The following FHIT variants were observed in gnomAD, a reference collection of about 807,000 sequenced individuals.
FHIT encodes the protein bis(5'-adenosyl)-triphosphatase.
In FHIT, 19 loss-of-function variants were observed where a neutral mutation model predicts 17.9. The observed-to-expected ratio is 1.06, with a 90% CI of 0.74 to 1.56. The LOEUF (loss-of-function observed/expected upper bound fraction) is 1.56. Ranked by LOEUF, FHIT falls within the 40% of genes most tolerant of loss-of-function variation. The pLI is 0.00. For synonymous variants in FHIT, 81 were observed against 69.7 expected (o/e 1.16, Z -0.81); for missense variants, 248 against 189.2 (o/e 1.31, Z -1.82).
intron 3 of FHIT, among the ~76,000 whole-genome samples, chr3:60,931,616 A>G (rs919107185): frequency 3.3e-5 from 5 of 152,140 alleles, no homozygotes; most frequent in African/African-American, 1.2e-4. Context: ...ACGAAACTCC[A>G]TATTAGTCAA....
chr3:60,638,224 C>T (rs369019451), intron 4 of FHIT, among the ~76,000 whole-genome samples: 6 of 152,052 alleles, frequency 3.9e-5, no homozygotes, highest in South Asian at 4.2e-4. Context: ...AGTAACAACA[C>T]GACATGGAGG....
At chr3:61,117,739 T>C (rs1006039887) in intron 2 of FHIT, among the ~76,000 whole-genome samples, 1 of 152,212 alleles carries the variant, frequency 6.6e-6, no homozygotes, top group South Asian at 2.1e-4. Context: ...TACTCCCCAA[T>C]ACAGCTCCCA....
chr3:59,932,649 G>A (rs12490525), intron 7 of FHIT, among the ~76,000 whole-genome samples: 1 of 151,898 alleles, frequency 6.6e-6, no homozygotes, highest in African/African-American at 2.4e-5. Context: ...TAAGAAAACA[G>A]GTGTTGAGAG....
chr3:60,946,536 C>G (rs1232819914), intron 3 of FHIT, among the ~76,000 whole-genome samples: 1 of 152,002 alleles, frequency 6.6e-6, no homozygotes, highest in Admixed American at 6.6e-5. Context: ...ACTCAGGGAC[C>G]TGATAGACCA....
At chr3:60,345,685 CT>C (rs1710741157) in intron 5 of FHIT, among the ~76,000 whole-genome samples, 1 of 152,092 alleles carries the variant, frequency 6.6e-6, no homozygotes, top group South Asian at 2.1e-4. Context: ...CATTATGGAC[CT>C]TTTAATAGGA....
intron 5 of FHIT, among the ~76,000 whole-genome samples, chr3:60,091,023 C>T (rs1163683529): frequency 2.0e-5 from 3 of 152,204 alleles, no homozygotes; most frequent in Non-Finnish European, 4.4e-5. Flanking sequence ...ACTAGGAGAT[C>T]ATTAGCCTCT....
chr3:60,707,225 T>A lies in FHIT; in HGVS notation c.-18+114694A>T, dbSNP rs1384575544. On this transcript the variant is annotated intron_variant, in intron 4 of 9. Coordinates refer to ENST00000492590, the MANE Select transcript of FHIT (RefSeq NM_002012.4). ...AACCTTTTGCATACATGCTGTTAAG[T>A]AAAGGATGTGAAAAATGGAAACCGT... is the stretch of plus-strand genomic sequence containing the variant. 3.3e-5 allele frequency among the ~76,000 whole-genome samples: 5 copies of A among 152,150 alleles called. No homozygotes were observed. In the East Asian group the frequency reaches 9.6e-4, roughly 29 times the overall value.
chr3:60,139,978 C>A (rs553734630), intron 5 of FHIT, among the ~76,000 whole-genome samples: 3 of 151,834 alleles, frequency 2.0e-5, no homozygotes, highest in Non-Finnish European at 4.4e-5. Flanking sequence ...AAAAATTAGC[C>A]GGGCATGGTG....
At chr3:60,352,871 G>C (rs73107051) in intron 5 of FHIT, among the ~76,000 whole-genome samples, 4 of 151,884 alleles carry the variant, frequency 2.6e-5, no homozygotes, top group Non-Finnish European at 5.9e-5. Flanking sequence ...CCAGGAAATA[G>C]GGGAGCTCTT....
chr3:60,509,381 C>T (rs1178485090), intron 5 of FHIT, among the ~76,000 whole-genome samples: 1 of 152,174 alleles, frequency 6.6e-6, no homozygotes, highest in Non-Finnish European at 1.5e-5. Flanking sequence ...TGTACTATTA[C>T]ATAAGTAGAA....
intron 8 of FHIT, among the ~76,000 whole-genome samples, chr3:59,908,596 G>C (rs1385621447): frequency 6.6e-6 from 1 of 152,016 alleles, no homozygotes; most frequent in East Asian, 1.9e-4. Flanking sequence ...GGACACCAGA[G>C]GCCAAGGAAA....
intron 5 of FHIT, among the ~76,000 whole-genome samples, chr3:60,495,584 C>T (rs1043766651): frequency 6.6e-6 from 1 of 151,806 alleles, no homozygotes; most frequent in Non-Finnish European, 1.5e-5. Flanking sequence ...AAAAAAAGAC[C>T]TAACAGGGGG....
At chr3:60,861,276 C>CATATGATATATCATATCATA (rs1703871540) in intron 3 of FHIT, among the ~76,000 whole-genome samples, 1 of 23,738 alleles carries the variant, frequency 4.2e-5, no homozygotes, top group Non-Finnish European at 8.5e-5. Context: ...TATCATATAT[C>CATATGATATATCATATCATA]TTTCTTTTTT....
intron 5 of FHIT, chr3:60,077,636 C>A (rs1213729424): frequency 1.4e-5 from 2 of 147,696 alleles, no homozygotes; most frequent in Non-Finnish European, 3.0e-5. Flanking sequence ...AAAATAAAAA[C>A]TGATAATATC....
intron 2 of FHIT, among the ~76,000 whole-genome samples, chr3:61,047,000 A>G (rs2033821620): frequency 1.3e-5 from 2 of 152,216 alleles, no homozygotes; most frequent in Non-Finnish European, 2.9e-5. Flanking sequence ...TCTCAAAATA[A>G]TAAGAGCTAT....
intron 1 of FHIT, among the ~76,000 whole-genome samples, chr3:61,217,932 C>T (rs1278970673): frequency 1.3e-5 from 2 of 152,112 alleles, no homozygotes; most frequent in Admixed American, 6.5e-5. Context: ...TGGGATTAGA[C>T]AAGGACCTTA....
chr3:60,085,274 G>A lies in FHIT; in HGVS notation c.104-71122C>T, dbSNP rs148586628. Among the ~76,000 whole-genome samples, 42 of 152,244 alleles carry A rather than the reference G, an allele frequency of 2.8e-4. No individual in the cohort carries two copies. The East Asian group carries it at 8.1e-3, about 30-fold the overall frequency. ...AGACAAGCAGAGAGAAGATTACCAA[G>A]AGCAGATCATTCTGTCCAGGTGCCT... On this transcript the variant is annotated intron_variant, in intron 5 of 9. Transcript: ENST00000492590.
At chr3:59,849,208 A>G (rs1416963009) in intron 8 of FHIT, among the ~76,000 whole-genome samples, 1 of 152,128 alleles carries the variant, frequency 6.6e-6, no homozygotes, top group Non-Finnish European at 1.5e-5. Context: ...CCATGGCTCC[A>G]TTAAAAATAC....
rs148179529 is a variant in FHIT, at chr3:60,750,455, A to G, written c.-18+71464T>C. Among the ~76,000 whole-genome samples, 716 of 152,190 alleles carry G rather than the reference A, an allele frequency of 4.7e-3. 8 individuals carry two copies. Among genetic ancestry groups the G allele is most frequent in the African/African-American group, 0.016 (670 of 41,510 alleles). On this transcript the variant is annotated intron_variant, in intron 4 of 9. Coordinates refer to ENST00000492590, the MANE Select transcript of FHIT (RefSeq NM_002012.4). ...TGTGGGAGGAACCCAGCAGGAGGTGATTGAATTATGGGAGCAAGTCTTTCC... is the reference window on the plus strand; with the variant it reads ...TGTGGGAGGAACCCAGCAGGAGGTGGTTGAATTATGGGAGCAAGTCTTTCC...
Sources: allele counts gnomAD v4.1 joint callset (sites outside exome capture counted in the v4.1 genomes callset), GRCh38; gene constraint gnomAD v4.1.1; transcripts MANE v1.5; gene names NCBI Gene and HGNC (gene_info 2026-07-23, HGNC 2026-07-21).